ADGRL1: variants seen among roughly 807,000 people sequenced by gnomAD.
ADGRL1 encodes the protein CIRL-1.
Under a neutral mutation model 148.9 loss-of-function variants are expected in ADGRL1, and 31 were observed. The observed-to-expected ratio is 0.21, with a 90% CI of 0.16 to 0.28. ADGRL1 has a LOEUF of 0.28. Ranked by LOEUF, ADGRL1 falls within the 10% of genes least tolerant of loss-of-function variation. The pLI is 1.00. For synonymous variants in ADGRL1, 937 were observed against 900.3 expected, an observed-to-expected ratio of 1.04 and a Z score of -0.73; for missense variants, 1,521 against 2,058.8, an observed-to-expected ratio of 0.74 and a Z score of 5.05.
At chr19:14,196,334 C>T (rs574807753) in intron 1 of ADGRL1, among the ~76,000 whole-genome samples, 2 of 152,210 alleles carry the variant, frequency 1.3e-5, no homozygotes, top group African/African-American at 4.8e-5. Context: ...AGGCTCTGCA[C>T]TGGGCCGGAT....
At position 14,151,196 on chromosome 19, in the gene ADGRL1, C is replaced by T; in HGVS notation, c.4087G>A (p.Asp1363Asn). ...LDESESCTAE[D>N]GATSRPLSSP... Reference sequence around the variant, plus strand: ...GAGAGGGGCCGGCTGGTGGCGCCGTCCTCGGCCGTGCAGCTCTCCGACTCG... The same window carrying T: ...GAGAGGGGCCGGCTGGTGGCGCCGTTCTCGGCCGTGCAGCTCTCCGACTCG... The change falls in exon 23 of 23, where the codon GAC becomes AAC. Residue 1363 changes from aspartate (D) to asparagine (N), a missense_variant. Transcript: ENST00000361434. 1 of 1,611,210 alleles carries T rather than the reference C, an allele frequency of 6.2e-7. No individual in the cohort carries two copies. Among genetic ancestry groups the T allele is most frequent in the South Asian group, 1.1e-5 (1 of 91,020 alleles).
Position 14,163,268 on chromosome 19 carries a change from C to A in ADGRL1, c.533G>T (p.Arg178Leu). ...RIYVMPWIPY[R>L]TDTLTEYASW... ...GGCATACTCAGTCAGTGTGTCCGTGCGGTAGGGGATCCAGGGCATCACGTA... is the reference window on the plus strand; with the variant it reads ...GGCATACTCAGTCAGTGTGTCCGTGAGGTAGGGGATCCAGGGCATCACGTA... The change falls in exon 5 of 23, where the codon CGC becomes CTC. Residue 178 changes from arginine to leucine, a missense_variant. Around this residue, in one of 8 missense-constraint regions of ADGRL1, gnomAD observed 334 missense variants for 512.5 expected, o/e 0.65. Transcript: ENST00000361434. 3.1e-6 allele frequency: 5 copies of A among 1,613,690 alleles called. No individual in the cohort carries two copies. Among genetic ancestry groups the A allele is most frequent in the Non-Finnish European group, 4.2e-6 (5 of 1,180,026 alleles).
intron 1 of ADGRL1, among the ~76,000 whole-genome samples, chr19:14,197,757 G>A (rs535833296): frequency 1.3e-5 from 2 of 152,278 alleles, no homozygotes; most frequent in South Asian, 2.1e-4. Context: ...GGACTCTGAC[G>A]GGAAAGTACC....
Position 14,156,169 on chromosome 19 carries a change from G to C in ADGRL1, c.3066C>G (p.His1022Gln), listed in dbSNP as rs1275082161. 1.2e-6 allele frequency: 2 copies of C among 1,612,774 alleles called. No homozygotes were observed. The highest frequency in any genetic ancestry group is 3.3e-5 in the Admixed American group (2 of 59,966). ...GCACAGATGAGCTTCGGATCATCTTGTGCAGGGTCACCATGAGGAACACCA... is the reference window on the plus strand; with the variant it reads ...GCACAGATGAGCTTCGGATCATCTTCTGCAGGGTCACCATGAGGAACACCA... ...VNLVFLMVTL[H>Q]KMIRSSSVLK... Residue 1022 changes from histidine to glutamine, a missense_variant, in exon 17 of 23, where the codon CAC (histidine) becomes CAG (glutamine). By Grantham distance (24) the His-to-Gln change is conservative. Coordinates refer to ENST00000361434, the MANE Select transcript of ADGRL1 (RefSeq NM_014921.5).
chr19:14,150,842 G>A lies in ADGRL1; in HGVS notation c.*31C>T, dbSNP rs201859475. On this transcript the variant is annotated 3_prime_UTR_variant, in exon 23 of 23. Transcript: ENST00000361434. The stretch of plus-strand genomic sequence containing the variant: ...CTGCCCAGGGTTCCCTCCCTGGCCT[G>A]GGCCACCAGCCCCTGGTCCATGAGG... 14 of 1,601,516 alleles carry A rather than the reference G, an allele frequency of 8.7e-6. No homozygotes were observed. The East Asian group carries it at 2.9e-4, about 33-fold the overall frequency.
rs200957853 is a variant in ADGRL1 at position 14,160,215 on chromosome 19, G to A, written c.1697C>T (p.Ser566Phe). 16 of 1,602,882 alleles carry A rather than the reference G, an allele frequency of 1.0e-5. No individual in the cohort carries two copies. The highest frequency in any genetic ancestry group is 1.3e-5 in the Non-Finnish European group (15 of 1,171,058). The change falls in exon 8 of 23, where the codon TCC (serine) becomes TTC (phenylalanine). Residue 566 changes from serine (S) to phenylalanine (F), a missense_variant. Ser to Phe is a radical substitution (Grantham distance 155). This residue lies in a region of ADGRL1 where 265 missense variants were observed against 431.9 expected (regional missense o/e 0.61). Coordinates refer to ENST00000361434, the MANE Select transcript of ADGRL1 (RefSeq NM_014921.5). This position sits in a 1 kb window ranked among gnomAD's most constrained non-coding sequence, Gnocchi z 5.9. ...TRGSIYAGDVSSSVKLMEQLL... is the reference protein window; with the variant it reads ...TRGSIYAGDVFSSVKLMEQLL... ...CTGCTCCATCAGCTTCACAGAGGAGGAGACGTCCCCCGCGTAGATGGAGCC... is the reference window on the plus strand; with the variant it reads ...CTGCTCCATCAGCTTCACAGAGGAGAAGACGTCCCCCGCGTAGATGGAGCC...
chr19:14,184,642 A>ATTTT (rs1283218279), intron 1 of ADGRL1, among the ~76,000 whole-genome samples: 5,495 of 107,314 alleles, frequency 0.051, 280 homozygotes, highest in Middle Eastern at 0.059. Flanking sequence ...TTATTTATTT[A>ATTTT]TTTATTTTTT....
rs1057254937 is a variant in ADGRL1 at position 14,148,227 on chromosome 19, G to C, written c.*2646C>G. 1 of 152,840 alleles carries C rather than the reference G, an allele frequency of 6.5e-6. No homozygotes were observed. The highest frequency in any genetic ancestry group is 1.5e-5 in the Non-Finnish European group (1 of 68,268). The allele number at this position is 152,840 out of a possible 1,614,324, so 9.5% of individuals were successfully genotyped here. A position where few individuals can be genotyped will look rare whatever the true frequency, so the allele number is the denominator to read the frequency against. ...AGGTTGGGGGGACACCTGGGCTCTG[G>C]GGGCGGCTTTGCACTGGACTGCAGT... On this transcript the variant is annotated 3_prime_UTR_variant, in exon 23 of 23. Transcript: ENST00000361434.
At chr19:14,163,598 G>T (rs1388127978) in intron 4 of ADGRL1, among the ~76,000 whole-genome samples, 192 bp from the exon 5 acceptor site, 1 of 152,066 alleles carries the variant, frequency 6.6e-6, no homozygotes, top group Non-Finnish European at 1.5e-5. Flanking sequence ...TGATGGGAAG[G>T]GGGTTTCCGG....
chr19:14,185,195 T>G (rs912704062), intron 1 of ADGRL1, among the ~76,000 whole-genome samples: 2 of 152,094 alleles, frequency 1.3e-5, no homozygotes, highest in African/African-American at 4.8e-5. Flanking sequence ...ATGTCTGTCC[T>G]CAGCTCTTTG....
chr19:14,178,350 C>T (rs540632731), intron 2 of ADGRL1, among the ~76,000 whole-genome samples: 1 of 152,132 alleles, frequency 6.6e-6, no homozygotes, highest in East Asian at 2.0e-4. Flanking sequence ...ACCAAAAATA[C>T]ACAAATTAGC....
chr19:14,150,869 G>A lies in ADGRL1; in HGVS notation c.*4C>T, dbSNP rs373892379. The A allele has an allele frequency of 3.7e-5, 60 of 1,611,334 alleles. No individual in the cohort carries two copies. The African/African-American group carries it at 6.7e-4, about 18-fold the overall frequency. On this transcript the variant is annotated 3_prime_UTR_variant, in exon 23 of 23. Transcript: ENST00000361434. The stretch of plus-strand genomic sequence containing the variant: ...GCCACCAGCCCCTGGTCCATGAGGT[G>A]CCCTCAGAGACTGGTGACCAGCTGC...
chr19:14,177,834 T>TC, intron 2 of ADGRL1, 90 bp from the exon 3 acceptor site: 1 of 1,217,452 alleles, frequency 8.2e-7, no homozygotes, highest in Non-Finnish European at 1.1e-6. Context: ...CACCTCTGGC[T>TC]CGGCTGTGTC....
In ADGRL1 at chr19:14,155,494, G is replaced by A; in HGVS notation, c.3159C>T (p.Phe1053=). Residue 1053 remains phenylalanine, a synonymous_variant, in exon 18 of 23, where the codon TTC becomes TTT. Coordinates refer to ENST00000361434, the MANE Select transcript of ADGRL1 (RefSeq NM_014921.5). The surrounding 1 kb of genome is among the most constrained non-coding windows in gnomAD (Gnocchi z 5.0). ...CGAAAGCCCAGGTGAGGCCCAGCAG[G>A]AACAGCAGCGCGATGGCCCCCAGCG... ...SWALGAIALL[F]LLGLTWAFGL... 6.2e-7 allele frequency: 1 copy of A among 1,613,904 alleles called. No individual in the cohort carries two copies. The highest frequency in any genetic ancestry group is 8.5e-7 in the Non-Finnish European group (1 of 1,179,938).
At chr19:14,153,815 G>A (rs978794051) in intron 18 of ADGRL1, among the ~76,000 whole-genome samples, 2 of 151,736 alleles carry the variant, frequency 1.3e-5, no homozygotes. Context: ...GCTGGTCGTG[G>A]CAGTGGGCGT....
Position 14,157,166 on chromosome 19 carries a change from G to C in ADGRL1, c.2746-21C>G, listed in dbSNP as rs771952743. 1 of 1,613,640 alleles carries C rather than the reference G, an allele frequency of 6.2e-7. No individual in the cohort carries two copies. The highest frequency in any genetic ancestry group is 8.5e-7 in the Non-Finnish European group (1 of 1,179,704). On this transcript the variant is annotated intron_variant, in intron 14 of 22. Coordinates refer to ENST00000361434, the MANE Select transcript of ADGRL1 (RefSeq NM_014921.5). The surrounding 1 kb of genome is among the most constrained non-coding windows in gnomAD (Gnocchi z 7.5). The stretch of plus-strand genomic sequence containing the variant: ...GCAATCTGCGGGGAGCACTGAGGGT[G>C]AGGGGCTGCTGCCTGGACAGGTGTC...
intron 4 of ADGRL1, among the ~76,000 whole-genome samples, chr19:14,168,290 A>G (rs1970173503): frequency 6.6e-6 from 1 of 152,162 alleles, no homozygotes; most frequent in Non-Finnish European, 1.5e-5. Context: ...TGCTCAGTGA[A>G]CATTTTGGGG....
Position 14,157,803 on chromosome 19 carries a change from C to A in ADGRL1, c.2535+79G>T. 1 of 1,527,638 alleles carries A rather than the reference C, an allele frequency of 6.5e-7. No homozygotes were observed. The highest frequency in any genetic ancestry group is 1.2e-5 in the South Asian group (1 of 80,408). 94.6% of individuals were successfully genotyped at this position (1,527,638 alleles called of 1,614,324 possible). A position where few individuals can be genotyped will look rare whatever the true frequency, so the allele number is the denominator to read the frequency against. On this transcript the variant is annotated intron_variant, in intron 13 of 22. Coordinates refer to ENST00000361434, the MANE Select transcript of ADGRL1 (RefSeq NM_014921.5). The surrounding 1 kb of genome is among the most constrained non-coding windows in gnomAD (Gnocchi z 7.5). ...GGGGCTAGCCTCCCCTGGTACTGCC[C>A]GTGATCTCTCTAGGATGCCATGCAA... is the stretch of plus-strand genomic sequence containing the variant.
intron 4 of ADGRL1, among the ~76,000 whole-genome samples, chr19:14,167,555 C>T (rs1477156389): frequency 6.6e-6 from 1 of 152,166 alleles, no homozygotes; most frequent in African/African-American, 2.4e-5. Context: ...CTCCCAGGGC[C>T]TGGGCCCACC....
Sources: gnomAD v4.1 joint callset for allele counts (sites outside exome capture counted in the v4.1 genomes callset) on GRCh38, gnomAD v4.1.1 for gene constraint, gnomAD v4.1.1 regional missense constraint, Gnocchi (gnomAD v3.1) non-coding constraint, MANE v1.5 for transcripts, NCBI Gene and HGNC (gene_info 2026-07-23, HGNC 2026-07-21) for gene names.